Variants in GALNTL6 observed in about 807,000 individuals in gnomAD.
GALNTL6 encodes the protein polypeptide N-acetylgalactosaminyltransferase-like 6.
A neutral mutation model predicts 73.7 loss-of-function variants in GALNTL6; 46 were observed. That is an observed-to-expected ratio of 0.62 (90% CI 0.49 to 0.80). GALNTL6 has a LOEUF of 0.80. Ranked by LOEUF, GALNTL6 falls within the 30% of genes least tolerant of loss-of-function variation. The pLI is 0.00. For missense variants in GALNTL6, 604 were observed against 755.0 expected (o/e 0.80, Z 2.34); for synonymous variants, 259 against 263.7 (o/e 0.98, Z 0.17).
At chr4:172,003,964 T>C (rs1740752757) in intron 2 of GALNTL6, among the ~76,000 whole-genome samples, 1 of 152,160 alleles carries the variant, frequency 6.6e-6, no homozygotes, top group African/African-American at 2.4e-5. Flanking sequence ...TTTCTGGCTT[T>C]TGAGTATAAT....
intron 2 of GALNTL6, among the ~76,000 whole-genome samples, chr4:172,176,489 G>A (rs1188659755): frequency 6.6e-6 from 1 of 151,986 alleles, no homozygotes; most frequent in Non-Finnish European, 1.5e-5. Context: ...ATAATAGAAT[G>A]TAGCCATTTG....
intron 2 of GALNTL6, among the ~76,000 whole-genome samples, chr4:171,877,887 C>T (rs1024611429): frequency 6.6e-6 from 1 of 152,170 alleles, no homozygotes; most frequent in Non-Finnish European, 1.5e-5. Flanking sequence ...GCAAATTAGA[C>T]ATTGTAAGAC....
At chr4:172,782,737 C>T (rs1238036016) in intron 5 of GALNTL6, among the ~76,000 whole-genome samples, 3 of 152,046 alleles carry the variant, frequency 2.0e-5, no homozygotes, top group Non-Finnish European at 4.4e-5. Context: ...AGCCTTCACA[C>T]TAGTGCATTC....
At chr4:172,567,932 G>A (rs1400728699) in intron 5 of GALNTL6, among the ~76,000 whole-genome samples, 2 of 152,110 alleles carry the variant, frequency 1.3e-5, no homozygotes, top group African/African-American at 2.4e-5. Flanking sequence ...TGTTAGTTGG[G>A]AGTCATATGG....
intron 2 of GALNTL6, among the ~76,000 whole-genome samples, chr4:172,190,929 C>T (rs1032656155): frequency 6.6e-6 from 1 of 152,204 alleles, no homozygotes; most frequent in East Asian, 1.9e-4. Context: ...CTCAATCTTA[C>T]TGGAACACAT....
chr4:172,429,372 T>C (rs1456762318), intron 5 of GALNTL6, among the ~76,000 whole-genome samples: 5 of 151,732 alleles, frequency 3.3e-5, no homozygotes, highest in African/African-American at 4.8e-5. Context: ...CCACTACGCC[T>C]GGCTAATTTT....
At chr4:172,236,190 T>C (rs192280683) in intron 3 of GALNTL6, among the ~76,000 whole-genome samples, 1 of 152,352 alleles carries the variant, frequency 6.6e-6, no homozygotes, top group African/African-American at 2.4e-5. Flanking sequence ...TTGAAATGTC[T>C]AGCCCACTTA....
intron 5 of GALNTL6, among the ~76,000 whole-genome samples, chr4:172,529,151 T>C (rs987551033): frequency 4.0e-5 from 6 of 151,142 alleles, no homozygotes; most frequent in African/African-American, 1.5e-4. Flanking sequence ...AGCATTTCTT[T>C]AGTGCCTACT....
intron 5 of GALNTL6, among the ~76,000 whole-genome samples, chr4:172,529,453 T>C (rs1735091997): frequency 6.6e-6 from 1 of 152,134 alleles, no homozygotes; most frequent in Non-Finnish European, 1.5e-5. Context: ...TTACTAGTTT[T>C]ATTTTTTTAA....
At chr4:172,803,142 C>G (rs1361181704) in intron 5 of GALNTL6, among the ~76,000 whole-genome samples, 1 of 152,194 alleles carries the variant, frequency 6.6e-6, no homozygotes, top group East Asian at 1.9e-4. Context: ...AAAGAATAAA[C>G]AGCCTGATCC....
intron 10 of GALNTL6, among the ~76,000 whole-genome samples, chr4:172,985,738 A>G (rs567180817): frequency 6.6e-6 from 1 of 152,344 alleles, no homozygotes; most frequent in African/African-American, 2.4e-5. Flanking sequence ...CTAGGTGGGA[A>G]CCACAAGACC....
intron 5 of GALNTL6, among the ~76,000 whole-genome samples, chr4:172,676,095 A>C (rs1271393343): frequency 6.6e-6 from 1 of 152,226 alleles, no homozygotes; most frequent in Non-Finnish European, 1.5e-5. Context: ...TGCTTAACCC[A>C]AGAGGCTCAT....
At chr4:172,463,174 T>A (rs113795078) in intron 5 of GALNTL6, among the ~76,000 whole-genome samples, 2 of 152,138 alleles carry the variant, frequency 1.3e-5, no homozygotes, top group Non-Finnish European at 2.9e-5. Context: ...CTGCAGTTAT[T>A]GATTGAAGTG....
intron 2 of GALNTL6, among the ~76,000 whole-genome samples, chr4:172,123,721 G>T (rs773328429): frequency 5.9e-5 from 9 of 151,846 alleles, no homozygotes; most frequent in Non-Finnish European, 1.2e-4. Context: ...GGATGGTCTT[G>T]ATCTCTTGAC....
intron 3 of GALNTL6, among the ~76,000 whole-genome samples, chr4:172,257,277 A>G (rs1450714261): frequency 1.3e-5 from 2 of 151,352 alleles, no homozygotes; most frequent in Non-Finnish European, 3.0e-5. Context: ...AGCTGTAAAT[A>G]TAGTGCTATC....
At chr4:171,917,570 C>G (rs1018018961) in intron 2 of GALNTL6, among the ~76,000 whole-genome samples, 5 of 152,046 alleles carry the variant, frequency 3.3e-5, no homozygotes, top group African/African-American at 1.2e-4. Context: ...ACTTATTTCT[C>G]TTCCAAAATA....
At chr4:171,988,010 A>G (rs1401042965) in intron 2 of GALNTL6, among the ~76,000 whole-genome samples, 7 of 152,170 alleles carry the variant, frequency 4.6e-5, no homozygotes, top group African/African-American at 7.2e-5. Flanking sequence ...TGCGTCAGGT[A>G]TGAGGAAGAA....
At chr4:172,782,322 A>G (rs1215970503) in intron 5 of GALNTL6, among the ~76,000 whole-genome samples, 1 of 152,160 alleles carries the variant, frequency 6.6e-6, no homozygotes, top group Non-Finnish European at 1.5e-5. Context: ...GGAGAAAGTC[A>G]ATTAAGGACT....
At chr4:172,262,931 A>G (rs1020466380) in intron 3 of GALNTL6, among the ~76,000 whole-genome samples, 4 of 151,460 alleles carry the variant, frequency 2.6e-5, no homozygotes, top group East Asian at 3.9e-4. Context: ...TTGTTTCAGG[A>G]GGCTAAAGAT....
Sources: gnomAD v4.1 joint callset for allele counts (sites outside exome capture counted in the v4.1 genomes callset) on GRCh38, gnomAD v4.1.1 for gene constraint, MANE v1.5 for transcripts, NCBI Gene and HGNC (gene_info 2026-07-23, HGNC 2026-07-21) for gene names.